The following RARB variants were observed in gnomAD, a reference collection of about 807,000 sequenced individuals.
The protein encoded by RARB is retinoic acid receptor beta, also known as HBV-activated protein.
A neutral mutation model predicts 51.9 loss-of-function variants in RARB; 17 were observed. The observed-to-expected ratio is 0.33, with a 90% CI of 0.22 to 0.49. The LOEUF (loss-of-function observed/expected upper bound fraction) is 0.49. Among genes scored for constraint, RARB ranks in the 20% least tolerant of loss-of-function variants. The pLI is 0.99. For missense variants in RARB, 369 were observed against 550.8 expected (o/e 0.67, Z 3.30); for synonymous variants, 215 against 195.4 (o/e 1.10, Z -0.84).
intron 5 of RARB, among the ~76,000 whole-genome samples, chr3:25,209,022 G>A (rs1559506657): frequency 6.6e-6 from 1 of 152,330 alleles, no homozygotes; most frequent in East Asian, 1.9e-4. Context: ...GTGTTGCGAC[G>A]ACGAGGGATT....
chr3:24,998,883 T>C (rs1697099646), intron 2 of RARB, among the ~76,000 whole-genome samples: 3 of 152,156 alleles, frequency 2.0e-5, no homozygotes, highest in African/African-American at 7.2e-5. Flanking sequence ...ACATACCTAC[T>C]ACATAATAAA....
chr3:25,520,611 C>T (rs1698361392), intron 3 of RARB, among the ~76,000 whole-genome samples: 1 of 152,102 alleles, frequency 6.6e-6, no homozygotes, highest in South Asian at 2.1e-4. Flanking sequence ...CTTTTCTTAT[C>T]TAGAAATTGC....
intron 2 of RARB, among the ~76,000 whole-genome samples, chr3:24,980,094 G>A (rs1164573604): frequency 1.3e-5 from 2 of 152,042 alleles, no homozygotes; most frequent in Admixed American, 6.6e-5. Context: ...TCGAATATTG[G>A]CCCCCACTCT....
intron 2 of RARB, among the ~76,000 whole-genome samples, chr3:24,898,757 C>G (rs1055382393): frequency 6.6e-6 from 1 of 152,176 alleles, no homozygotes; most frequent in African/African-American, 2.4e-5. Flanking sequence ...ATGGTAGCTG[C>G]ATTTAGCTTT....
In RARB at chr3:25,024,307, T is replaced by C. The variant is rs189119143; in HGVS notation, c.-379-35818T>C. On this transcript the variant is annotated intron_variant, in intron 2 of 11. Coordinates refer to the RARB transcript ENST00000383772. ...ACAATTATTTGATTACCATTATTTA[T>C]TGACTGTTAGTTAATAAAACTATCA... is the stretch of plus-strand genomic sequence containing the variant. Among the ~76,000 whole-genome samples the C allele has an allele frequency of 2.0e-5, 3 of 152,346 alleles. No homozygotes were observed. The East Asian group carries it at 5.8e-4, about 29-fold the overall frequency.
At chr3:24,920,134 C>T (rs1358423254) in intron 2 of RARB, among the ~76,000 whole-genome samples, 1 of 152,134 alleles carries the variant, frequency 6.6e-6, no homozygotes, top group African/African-American at 2.4e-5. Flanking sequence ...TAGCTGTTAA[C>T]CAAGGGTTTT....
chr3:24,968,539 C>A (rs1261540777), intron 2 of RARB, among the ~76,000 whole-genome samples: 1 of 152,072 alleles, frequency 6.6e-6, no homozygotes, highest in South Asian at 2.1e-4. Context: ...GCTGGACTAC[C>A]TCTTGTTTCT....
At chr3:25,061,265 A>T (rs1187151324) in intron 3 of RARB, among the ~76,000 whole-genome samples, 2 of 152,018 alleles carry the variant, frequency 1.3e-5, no homozygotes, top group East Asian at 3.9e-4. Context: ...GAGAAAGATA[A>T]ATATGTACAT....
intron 1 of RARB, among the ~76,000 whole-genome samples, chr3:25,443,313 A>G (rs1442500083): frequency 6.6e-6 from 1 of 151,966 alleles, no homozygotes; most frequent in Non-Finnish European, 1.5e-5. Context: ...AGAGTGGAAT[A>G]TTTCCCTGGG....
intron 5 of RARB, among the ~76,000 whole-genome samples, chr3:25,228,193 T>A (rs948739128): frequency 9.4e-5 from 14 of 149,374 alleles, no homozygotes; most frequent in African/African-American, 2.4e-4. Context: ...CATTGGAAAG[T>A]TTTCATCTAT....
At chr3:25,419,299 TCTA>T (rs1292648421) in intron 5 of RARB, among the ~76,000 whole-genome samples, 2 of 152,126 alleles carry the variant, frequency 1.3e-5, no homozygotes, top group African/African-American at 4.8e-5. Context: ...ACCTCCCTGT[TCTA>T]CTGTTTACTC....
chr3:25,052,274 C>T (rs1321081293), intron 2 of RARB, among the ~76,000 whole-genome samples: 1 of 152,132 alleles, frequency 6.6e-6, no homozygotes, highest in Non-Finnish European at 1.5e-5. Flanking sequence ...ATGTGATTCC[C>T]AAGCCTCTAC....
intron 2 of RARB, among the ~76,000 whole-genome samples, chr3:24,968,756 C>T (rs139007359): frequency 2.6e-5 from 4 of 152,244 alleles, no homozygotes; most frequent in South Asian, 4.1e-4. Flanking sequence ...TTCTGCCTTA[C>T]AATTGCTATT....
intron 3 of RARB, among the ~76,000 whole-genome samples, chr3:25,507,801 G>A (rs891502192): frequency 2.6e-5 from 4 of 152,128 alleles, no homozygotes; most frequent in South Asian, 2.1e-4. Flanking sequence ...ATTATGACTC[G>A]GGTGCTGTGA....
chr3:25,048,940 G>A (rs898157409), intron 2 of RARB, among the ~76,000 whole-genome samples: 11 of 151,980 alleles, frequency 7.2e-5, no homozygotes, highest in Non-Finnish European at 1.6e-4. Flanking sequence ...TTTTAGTAGA[G>A]ACGGGGTTTC....
intron 4 of RARB, among the ~76,000 whole-genome samples, chr3:25,146,621 C>T (rs1373934262): frequency 6.6e-6 from 1 of 151,710 alleles, no homozygotes; most frequent in East Asian, 1.9e-4. Context: ...CATTCTCCTG[C>T]CTCAGCCTCC....
At chr3:25,558,966 T>G (rs1472669175) in intron 3 of RARB, among the ~76,000 whole-genome samples, 1 of 152,164 alleles carries the variant, frequency 6.6e-6, no homozygotes, top group African/African-American at 2.4e-5. Flanking sequence ...TGTCTCCACA[T>G]TTTTCTTCAG....
At chr3:25,434,545 TC>T (rs146511472) in intron 1 of RARB, among the ~76,000 whole-genome samples, 23,257 of 125,570 alleles carry the variant, frequency 0.19, 2,005 homozygotes, top group Non-Finnish European at 0.24. Context: ...TTTTTTTTTT[TC>T]TTTTTTTTTT....
At chr3:25,259,323 G>A (rs1339478842) in intron 5 of RARB, among the ~76,000 whole-genome samples, 2 of 152,076 alleles carry the variant, frequency 1.3e-5, no homozygotes, top group East Asian at 3.9e-4. Flanking sequence ...ATGTGTCTGA[G>A]TTCTATCTGG....
Sources: allele counts gnomAD v4.1 joint callset (sites outside exome capture counted in the v4.1 genomes callset), GRCh38; gene constraint gnomAD v4.1.1; transcripts MANE v1.5; gene names NCBI Gene and HGNC (gene_info 2026-07-23, HGNC 2026-07-21).